The following USP13 variants were observed in gnomAD, a reference collection of about 807,000 sequenced individuals.
The protein encoded by USP13 is ubiquitin carboxyl-terminal hydrolase 13.
USP13 carries 68 observed loss-of-function variants against 107.8 expected under a neutral mutation model. The ratio of observed to expected loss-of-function variants is 0.63; its 90% CI spans 0.52 to 0.77. The LOEUF is 0.77. Ranked by LOEUF, USP13 falls within the 30% of genes least tolerant of loss-of-function variation. The pLI is 0.00. For missense variants in USP13, 945 were observed against 1,093.3 expected (o/e 0.86, Z 1.91); for synonymous variants, 377 against 389.5 (o/e 0.97, Z 0.38).
intron 19 of USP13, among the ~76,000 whole-genome samples, chr3:179,778,558 G>T (rs955224383): frequency 6.6e-6 from 1 of 152,190 alleles, no homozygotes; most frequent in African/African-American, 2.4e-5. Context: ...GAGGTCAGGC[G>T]TTCGAGACCG....
At chr3:179,700,864 GC>G in intron 3 of USP13, 143 bp from the exon 4 acceptor site, 1 of 925,506 alleles carries the variant, frequency 1.1e-6, no homozygotes, top group Middle Eastern at 2.9e-4. Flanking sequence ...CAGATGGACG[GC>G]CCTGTCAGAG....
At chr3:179,766,868 T>C (rs1211485844) in intron 19 of USP13, among the ~76,000 whole-genome samples, 2 of 152,306 alleles carry the variant, frequency 1.3e-5, no homozygotes, top group Admixed American at 1.3e-4. Context: ...ATTCAGGCTC[T>C]TTAGCTTGGC....
At chr3:179,767,133 T>C (rs1458286651) in intron 19 of USP13, among the ~76,000 whole-genome samples, 1 of 152,226 alleles carries the variant, frequency 6.6e-6, no homozygotes, top group East Asian at 1.9e-4. Context: ...TTCTCTGGAC[T>C]GCCTTCCTAG....
intron 2 of USP13, among the ~76,000 whole-genome samples, chr3:179,688,198 C>CATCA (rs1275721722): frequency 3.1e-4 from 37 of 118,204 alleles, no homozygotes; most frequent in South Asian, 3.1e-4. Flanking sequence ...TTCATCAATC[C>CATCA]ATCCATCCAT....
chr3:179,662,956 CTTTT>C (rs1347947318), intron 1 of USP13, among the ~76,000 whole-genome samples: 2 of 152,148 alleles, frequency 1.3e-5, no homozygotes, highest in Non-Finnish European at 2.9e-5. Flanking sequence ...CCCTCTCTCT[CTTTT>C]TATTTTTTAA....
chr3:179,751,377 T>A (rs546758258), intron 13 of USP13, among the ~76,000 whole-genome samples: 2 of 152,300 alleles, frequency 1.3e-5, no homozygotes, highest in East Asian at 3.9e-4. Flanking sequence ...ACCCCTAGGA[T>A]CCATGTGGCC....
intron 14 of USP13, 105 bp from the exon 15 acceptor site, chr3:179,754,627 C>T (rs1714723250): frequency 1.1e-4 from 150 of 1,330,640 alleles, no homozygotes; most frequent in Non-Finnish European, 1.4e-4. Flanking sequence ...AATTGAAAAA[C>T]ATCCCTTAGC....
chr3:179,653,190 G>A lies in USP13; in HGVS notation c.-36G>A, dbSNP rs1560035272. ...CCGGCAGACCCCGCGCTCCGGCTCC[G>A]GCTCGGCTCGCTCGGCTCCGGTGCG... On this transcript the variant is annotated 5_prime_UTR_variant, in exon 1 of 21. Coordinates refer to ENST00000263966, the MANE Select transcript of USP13 (RefSeq NM_003940.3). This position sits in a 1 kb window ranked among gnomAD's most constrained non-coding sequence, Gnocchi z 4.0. 2 of 1,287,616 alleles carry A rather than the reference G, an allele frequency of 1.6e-6. No individual in the cohort carries two copies. Among genetic ancestry groups the A allele is most frequent in the South Asian group, 4.7e-5 (2 of 42,720 alleles). The allele number at this position is 1,287,616 out of a possible 1,614,324, so 79.8% of individuals were successfully genotyped here. A position where few individuals can be genotyped will look rare whatever the true frequency, so the allele number is the denominator to read the frequency against.
At chr3:179,674,952 G>A (rs1720851209) in intron 1 of USP13, among the ~76,000 whole-genome samples, 1 of 152,044 alleles carries the variant, frequency 6.6e-6, no homozygotes, top group Non-Finnish European at 1.5e-5. Context: ...CAGGTGGATC[G>A]ATCACAAGGT....
chr3:179,676,858 G>C (rs1711503680), intron 1 of USP13, among the ~76,000 whole-genome samples: 1 of 152,170 alleles, frequency 6.6e-6, no homozygotes, highest in East Asian at 1.9e-4. Flanking sequence ...TTGGTGTCCA[G>C]TGGAACATGC....
chr3:179,784,248 G>A lies in USP13; in HGVS notation c.*107G>A. Reference sequence around the variant, plus strand: ...ACAACTAGACATGAAGGAATATATGGGGTATTTATCGTTTATTTAAAGAGC... The same window carrying A: ...ACAACTAGACATGAAGGAATATATGAGGTATTTATCGTTTATTTAAAGAGC... On this transcript the variant is annotated 3_prime_UTR_variant, in exon 21 of 21. Transcript: ENST00000263966. The A allele has an allele frequency of 3.6e-6, 3 of 824,690 alleles. No individual in the cohort carries two copies. In the South Asian group the frequency reaches 5.3e-5, roughly 15 times the overall value. The allele number at this position is 824,690 out of a possible 1,614,324, so 51.1% of individuals were successfully genotyped here.
At chr3:179,728,031 CA>C in intron 8 of USP13, among the ~76,000 whole-genome samples, 1 of 61,346 alleles carries the variant, frequency 1.6e-5, no homozygotes, top group African/African-American at 4.9e-5. Flanking sequence ...GGCTGATCCC[CA>C]CCACCTCCCT....
chr3:179,761,225 A>G lies in USP13; in HGVS notation c.2062A>G (p.Asn688Asp), dbSNP rs1001821804. 5 of 1,614,036 alleles carry G rather than the reference A, an allele frequency of 3.1e-6. No homozygotes were observed. The African/African-American group carries it at 5.3e-5, about 17-fold the overall frequency. ...TGNMGAEVAF[N>D]WIIVHMEEPD... Reference sequence around the variant, plus strand: ...AAATATGGGCGCCGAGGTGGCCTTCAACTGGATCATTGTTCACATGGAAGA... The same window carrying G: ...AAATATGGGCGCCGAGGTGGCCTTCGACTGGATCATTGTTCACATGGAAGA... Residue 688 changes from asparagine (N) to aspartate (D), a missense_variant, in exon 17 of 21, where the codon AAC (asparagine) becomes GAC (aspartate). Asn to Asp is a conservative substitution (Grantham distance 23). Transcript: ENST00000263966.
At chr3:179,764,715 A>G (rs1414427476) in intron 18 of USP13, among the ~76,000 whole-genome samples, 1 of 152,184 alleles carries the variant, frequency 6.6e-6, no homozygotes, top group African/African-American at 2.4e-5. Flanking sequence ...AGGGTAGACA[A>G]TTCCCTTCTG....
At position 179,745,200 on chromosome 3, in the gene USP13, A is replaced by G. The variant is rs1576972051; in HGVS notation, c.1692A>G (p.Ala564=). Residue 564 remains alanine (A), a synonymous_variant, in exon 13 of 21, where the codon GCA becomes GCG. Transcript: ENST00000263966. ...ATTTCTGGAGCAGTGCCCTACAAGC[A>G]AAGTCTGCGGGTGTGAAGTAAGTGT... ...VDDFWSSALQ[A]KSAGVKTSRF... The G allele has an allele frequency of 3.7e-6, 6 of 1,613,864 alleles. No homozygotes were observed. In the East Asian group the frequency reaches 1.3e-4, roughly 36 times the overall value.
chr3:179,684,974 T>C (rs1235166718), intron 2 of USP13, among the ~76,000 whole-genome samples: 1 of 152,200 alleles, frequency 6.6e-6, no homozygotes, highest in Non-Finnish European at 1.5e-5. Flanking sequence ...TTGTGTAAGC[T>C]CTATGAGGGC....
At chr3:179,743,681 T>C (rs1001263976) in intron 12 of USP13, among the ~76,000 whole-genome samples, 18 of 152,146 alleles carry the variant, frequency 1.2e-4, no homozygotes, top group Non-Finnish European at 1.5e-5. Context: ...ACGTGTCTGC[T>C]CATGTCCATG....
At chr3:179,773,447 G>C (rs1715401783) in intron 19 of USP13, among the ~76,000 whole-genome samples, 1 of 152,136 alleles carries the variant, frequency 6.6e-6, no homozygotes, top group African/African-American at 2.4e-5. Context: ...GCCCTGATGA[G>C]ATACTGCTGC....
chr3:179,689,591 G>C (rs956182433), intron 2 of USP13, among the ~76,000 whole-genome samples: 4 of 151,914 alleles, frequency 2.6e-5, no homozygotes, highest in African/African-American at 9.7e-5. Flanking sequence ...CCAGGAGGCG[G>C]AGGTTGCTGT....
Sources: allele counts gnomAD v4.1 joint callset (sites outside exome capture counted in the v4.1 genomes callset), GRCh38; gene constraint gnomAD v4.1.1; non-coding constraint Gnocchi (gnomAD v3.1); transcripts MANE v1.5; gene names NCBI Gene and HGNC (gene_info 2026-07-23, HGNC 2026-07-21).